The following FRAS1 variants were observed in gnomAD, a reference collection of about 807,000 sequenced individuals.
FRAS1 encodes extracellular matrix organizing protein FRAS1.
Under a neutral mutation model 435.2 loss-of-function variants are expected in FRAS1, and 290 were observed. The ratio of observed to expected loss-of-function variants is 0.67; its 90% CI spans 0.61 to 0.73. The LOEUF is 0.73. FRAS1 is among the 30% of genes least tolerant of loss of function. FRAS1 has a pLI of 0.00. For missense variants in FRAS1, 4,860 were observed against 5,001.5 expected, an observed-to-expected ratio of 0.97 and a Z score of 0.85; for synonymous variants, 1,800 against 1,851.0, an observed-to-expected ratio of 0.97 and a Z score of 0.71.
intron 6 of FRAS1, among the ~76,000 whole-genome samples, chr4:78,256,624 A>T (rs926630600): frequency 6.6e-6 from 1 of 152,244 alleles, no homozygotes; most frequent in South Asian, 2.1e-4. Context: ...ACTGTTTCTC[A>T]TATTTAAAAT....
chr4:78,284,879 G>A (rs1240520469), intron 13 of FRAS1, among the ~76,000 whole-genome samples: 1 of 152,102 alleles, frequency 6.6e-6, no homozygotes, highest in Non-Finnish European at 1.5e-5. Context: ...GGATACCTGG[G>A]CTCATTTCTT....
intron 2 of FRAS1, among the ~76,000 whole-genome samples, chr4:78,189,531 C>T (rs1203334078): frequency 6.6e-6 from 1 of 152,164 alleles, no homozygotes; most frequent in Non-Finnish European, 1.5e-5. Flanking sequence ...TCTATCATCC[C>T]AAGGATGTTT....
chr4:78,411,132 A>G (rs1733319442), intron 31 of FRAS1, among the ~76,000 whole-genome samples: 1 of 141,194 alleles, frequency 7.1e-6, no homozygotes, highest in Non-Finnish European at 1.5e-5. Flanking sequence ...TTTTTCTGAG[A>G]CAGAGTTTCA....
chr4:78,062,226 C>T (rs576428227), intron 1 of FRAS1, among the ~76,000 whole-genome samples: 1 of 152,296 alleles, frequency 6.6e-6, no homozygotes, highest in Non-Finnish European at 1.5e-5. Flanking sequence ...GTTGGAGCCT[C>T]ATGCCAAATC....
intron 70 of FRAS1, among the ~76,000 whole-genome samples, chr4:78,532,000 G>A (rs1282929102): frequency 6.6e-6 from 1 of 152,178 alleles, no homozygotes; most frequent in Non-Finnish European, 1.5e-5. Context: ...ATCATCACTT[G>A]TCTAAATTAT....
intron 1 of FRAS1, among the ~76,000 whole-genome samples, chr4:78,061,448 A>C (rs1739757048): frequency 6.6e-6 from 1 of 152,118 alleles, no homozygotes. Context: ...ATTGAATTGG[A>C]GGTTAAGAGA....
At chr4:78,123,943 C>G (rs1336216475) in intron 2 of FRAS1, among the ~76,000 whole-genome samples, 2 of 152,210 alleles carry the variant, frequency 1.3e-5, no homozygotes, top group African/African-American at 2.4e-5. Flanking sequence ...TTGACTTCCT[C>G]TCTTCCTAAT....
Position 78,315,644 on chromosome 4 carries a change from AC to A in FRAS1, c.1731del (p.Cys578ValfsTer119). 1 of 1,613,894 alleles carries A rather than the reference AC, an allele frequency of 6.2e-7. No individual in the cohort carries two copies. The highest frequency in any genetic ancestry group is 8.5e-7 in the Non-Finnish European group (1 of 1,179,836). ...TGGCCCCAGTAGCCCCAGGTGTCTT[AC>A]CTGTACTGAGAAGACAGTGCTGCAT... ...SCGPSSPRCL[T>X]CTEKTVLHDG... On this transcript the variant is annotated frameshift_variant, in exon 16 of 74. Transcript: ENST00000512123. LOFTEE classifies it high-confidence loss of function.
chr4:78,369,971 C>A lies in FRAS1; in HGVS notation c.2856C>A (p.Thr952=). 6.2e-7 allele frequency: 1 copy of A among 1,613,262 alleles called. No individual in the cohort carries two copies. Among genetic ancestry groups the A allele is most frequent in the East Asian group, 2.2e-5 (1 of 44,882 alleles). The change falls in exon 23 of 74, where the codon ACC becomes ACA. Residue 952 remains threonine, a synonymous_variant. Transcript: ENST00000512123. ...CACAGTACTATCTTGACTTCTCCAC[C>A]AACACGTGCAAAGGTAAAGCTCTTC... The part of the protein sequence containing the change: ...CAPQYYLDFS[T]NTCKECDWSC...
intron 9 of FRAS1, among the ~76,000 whole-genome samples, chr4:78,276,796 C>G (rs1727064437): frequency 6.6e-6 from 1 of 152,236 alleles, no homozygotes; most frequent in African/African-American, 2.4e-5. Flanking sequence ...TGTCCATTCT[C>G]AGATCTCAAA....
intron 2 of FRAS1, among the ~76,000 whole-genome samples, chr4:78,124,268 A>G (rs935024450): frequency 1.3e-5 from 2 of 152,156 alleles, no homozygotes; most frequent in South Asian, 4.1e-4. Context: ...TATATGATGG[A>G]TTACGTTTAT....
chr4:78,077,609 C>A (rs564336603), intron 2 of FRAS1, among the ~76,000 whole-genome samples: 4 of 151,762 alleles, frequency 2.6e-5, no homozygotes, highest in African/African-American at 7.3e-5. Flanking sequence ...CACACCCTTC[C>A]GAGTCTCCAT....
At position 78,210,907 on chromosome 4, in the gene FRAS1, G is replaced by A. The variant is rs898359049; in HGVS notation, c.109-26603G>A. Among the ~76,000 whole-genome samples the A allele has an allele frequency of 2.0e-4, 30 of 152,118 alleles. 1 individual carries two copies. The highest frequency in any genetic ancestry group is 1.3e-4 in the Admixed American group (2 of 15,272). ...ACTTTCTTCCTGGTTGTGCAATGTG[G>A]GGAGTTTATGGGCACCCCATGTCCG... On this transcript the variant is annotated intron_variant, in intron 2 of 73. Coordinates refer to ENST00000512123, the MANE Select transcript of FRAS1 (RefSeq NM_025074.7).
intron 4 of FRAS1, among the ~76,000 whole-genome samples, chr4:78,250,295 A>C (rs1725475281): frequency 1.3e-5 from 2 of 152,144 alleles, no homozygotes; most frequent in African/African-American, 4.8e-5. Context: ...TAATACATAC[A>C]GATCTATGTT....
At chr4:78,476,815 TTGAG>T (rs1719864887) in intron 54 of FRAS1, among the ~76,000 whole-genome samples, 1 of 152,162 alleles carries the variant, frequency 6.6e-6, no homozygotes, top group African/African-American at 2.4e-5. Flanking sequence ...AATTTTCTGT[TTGAG>T]TAAAATTTTT....
intron 9 of FRAS1, among the ~76,000 whole-genome samples, chr4:78,277,004 C>T (rs1005656258): frequency 6.6e-6 from 1 of 152,176 alleles, no homozygotes; most frequent in African/African-American, 2.4e-5. Context: ...CCACTCAAGC[C>T]TCAGCAATGG....
At chr4:78,094,875 G>GT (rs2109906336) in intron 2 of FRAS1, among the ~76,000 whole-genome samples, 1 of 152,220 alleles carries the variant, frequency 6.6e-6, no homozygotes, top group African/African-American at 2.4e-5. Context: ...TTCCTCATCT[G>GT]TAAAATGGGG....
intron 2 of FRAS1, chr4:78,070,993 C>G: frequency 6.6e-6 from 1 of 152,190 alleles, no homozygotes; most frequent in African/African-American, 2.4e-5. Context: ...TGACGACTGG[C>G]AAGGTTGGAT....
At chr4:78,239,176 T>C (rs1191458208) in intron 3 of FRAS1, among the ~76,000 whole-genome samples, 1 of 152,174 alleles carries the variant, frequency 6.6e-6, no homozygotes, top group Non-Finnish European at 1.5e-5. Context: ...TATATCAAAC[T>C]TGTGATTTCA....
Sources: allele counts gnomAD v4.1 joint callset (sites outside exome capture counted in the v4.1 genomes callset), GRCh38; gene constraint gnomAD v4.1.1; transcripts MANE v1.5; gene names NCBI Gene and HGNC (gene_info 2026-07-23, HGNC 2026-07-21).